Variants in COX7B2 observed in about 807,000 individuals in gnomAD.
COX7B2 encodes the protein cytochrome c oxidase subunit 7B2, mitochondrial.
For synonymous variants in COX7B2, 37 were observed against 32.1 expected (o/e 1.15, Z -0.51); for missense variants, 109 against 95.9 (o/e 1.14, Z -0.57).
intron 2 of COX7B2, among the ~76,000 whole-genome samples, chr4:46,793,283 T>C (rs1464978829): frequency 6.6e-6 from 1 of 151,848 alleles, no homozygotes; most frequent in Non-Finnish European, 1.5e-5. Flanking sequence ...CAGACTGGTA[T>C]CTTCCCGGCT....
At chr4:46,776,707 A>G (rs1717172892) in intron 2 of COX7B2, among the ~76,000 whole-genome samples, 1 of 152,136 alleles carries the variant, frequency 6.6e-6, no homozygotes, top group Non-Finnish European at 1.5e-5. Context: ...TTATTTCAGC[A>G]GCTACAGATG....
intron 2 of COX7B2, among the ~76,000 whole-genome samples, chr4:46,789,645 C>G (rs967050551): frequency 2.0e-5 from 3 of 152,016 alleles, no homozygotes; most frequent in African/African-American, 7.2e-5. Flanking sequence ...ACAAAAAAAG[C>G]GAATTGCCAT....
chr4:46,889,516 C>T (rs955641036), intron 1 of COX7B2, among the ~76,000 whole-genome samples: 6 of 152,202 alleles, frequency 3.9e-5, no homozygotes, highest in Non-Finnish European at 7.4e-5. Flanking sequence ...AATTGACAAA[C>T]GGGGAAGCAA....
intron 1 of COX7B2, among the ~76,000 whole-genome samples, chr4:46,847,899 A>C (rs1716399309): frequency 6.6e-6 from 1 of 152,026 alleles, no homozygotes; most frequent in African/African-American, 2.4e-5. Flanking sequence ...CTCCAGCCTC[A>C]AGGTCCTCTA....
intron 2 of COX7B2, among the ~76,000 whole-genome samples, chr4:46,821,964 T>G (rs1016940400): frequency 2.0e-5 from 3 of 152,128 alleles, no homozygotes; most frequent in African/African-American, 4.8e-5. Context: ...CAGGCTAGAG[T>G]GCAGTGGCGC....
At chr4:46,846,456 A>AT (rs1716283597) in intron 1 of COX7B2, among the ~76,000 whole-genome samples, 2 of 152,090 alleles carry the variant, frequency 1.3e-5, no homozygotes, top group Non-Finnish European at 2.9e-5. Flanking sequence ...AGATTGCAAC[A>AT]GCAAAAAGGT....
intron 1 of COX7B2, among the ~76,000 whole-genome samples, chr4:46,874,350 G>T (rs752918651): frequency 1.3e-5 from 2 of 152,158 alleles, no homozygotes; most frequent in Non-Finnish European, 2.9e-5. Flanking sequence ...GTTTTTAGTC[G>T]CAGTGAAGAT....
intron 2 of COX7B2, among the ~76,000 whole-genome samples, chr4:46,782,196 C>G (rs1022204979): frequency 6.6e-6 from 1 of 152,110 alleles, no homozygotes; most frequent in Non-Finnish European, 1.5e-5. Context: ...CACTCTGTGT[C>G]TAGGTCAGGG....
chr4:46,819,351 C>T (rs1474891819), intron 2 of COX7B2, among the ~76,000 whole-genome samples: 3 of 152,098 alleles, frequency 2.0e-5, no homozygotes, highest in African/African-American at 7.2e-5. Flanking sequence ...GGCAAACTAA[C>T]ATGCCACTCT....
rs1054831548 is a variant in COX7B2, at chr4:46,890,231, A to C, written c.-105+18929T>G. On this transcript the variant is annotated intron_variant, in intron 1 of 2. Transcript: ENST00000355591. ...TAGTACATGCTATGTTTGCATAATCACAAGGATTTGGCTTCCGTTCTAGTA... is the reference window on the plus strand; with the variant it reads ...TAGTACATGCTATGTTTGCATAATCCCAAGGATTTGGCTTCCGTTCTAGTA... Among the ~76,000 whole-genome samples, 10 of 152,202 alleles carry C rather than the reference A, an allele frequency of 6.6e-5. 1 individual carries two copies. The highest frequency in any genetic ancestry group is 5.9e-4 in the Admixed American group (9 of 15,278).
intron 1 of COX7B2, among the ~76,000 whole-genome samples, chr4:46,889,500 A>G (rs1029781438): frequency 2.6e-5 from 4 of 152,238 alleles, no homozygotes; most frequent in African/African-American, 9.6e-5. Flanking sequence ...TTGTCTAAGC[A>G]GAAATAATTG....
At chr4:46,768,060 C>T (rs1716651031) in intron 2 of COX7B2, among the ~76,000 whole-genome samples, 3 of 152,200 alleles carry the variant, frequency 2.0e-5, no homozygotes, top group Admixed American at 2.0e-4. Flanking sequence ...CCCCAAATGG[C>T]GTGTGCTACA....
chr4:46,906,454 C>G (rs1320579571), intron 1 of COX7B2, among the ~76,000 whole-genome samples: 1 of 152,088 alleles, frequency 6.6e-6, no homozygotes, highest in African/African-American at 2.4e-5. Context: ...TTCTTCTATC[C>G]TTCTATCTTT....
At chr4:46,854,215 G>A (rs1716870720) in intron 1 of COX7B2, among the ~76,000 whole-genome samples, 1 of 151,964 alleles carries the variant, frequency 6.6e-6, no homozygotes, top group African/African-American at 2.4e-5. Context: ...CTGGGTAACT[G>A]GCTAGCTAAT....
chr4:46,888,550 TC>T (rs770859409), intron 1 of COX7B2, among the ~76,000 whole-genome samples: 1 of 151,832 alleles, frequency 6.6e-6, no homozygotes, highest in Non-Finnish European at 1.5e-5. Context: ...TTCACGCCAT[TC>T]TCCTGCCTCA....
chr4:46,754,575 A>C lies in COX7B2; in HGVS notation c.-49-19334T>G, dbSNP rs1366727964. Among the ~76,000 whole-genome samples, 3 of 146,936 alleles carry C rather than the reference A, an allele frequency of 2.0e-5. No individual in the cohort carries two copies. In the East Asian group the frequency reaches 6.3e-4, roughly 31 times the overall value. The stretch of plus-strand genomic sequence containing the variant: ...GGGAGGGGGGAGGGATAGCATTAGG[A>C]GATATACCTAATGCAAATGACCAGT... On this transcript the variant is annotated intron_variant, in intron 2 of 2. Coordinates refer to ENST00000355591, the MANE Select transcript of COX7B2 (RefSeq NM_130902.3).
Position 46,909,227 on chromosome 4 carries a change from C to A in COX7B2, c.-172G>T, listed in dbSNP as rs1254536933. 6.6e-6 allele frequency: 1 copy of A among 152,124 alleles called. No individual in the cohort carries two copies. The highest frequency in any genetic ancestry group is 1.5e-5 in the Non-Finnish European group (1 of 68,042). The allele number at this position is 152,124 out of a possible 1,614,324, so 9.4% of individuals were successfully genotyped here. ...GCAAATTCCGAACCTTTCCGTTTTA[C>A]AGCCTGGAGGGGTCGGGTAAAACAG... On this transcript the variant is annotated 5_prime_UTR_variant, in exon 1 of 3. Coordinates refer to ENST00000355591, the MANE Select transcript of COX7B2 (RefSeq NM_130902.3).
At chr4:46,757,697 C>T (rs889102601) in intron 2 of COX7B2, among the ~76,000 whole-genome samples, 30 of 152,150 alleles carry the variant, frequency 2.0e-4, no homozygotes, top group Admixed American at 1.7e-3. Context: ...CCTATTCTTA[C>T]GGAGTTTATG....
At chr4:46,739,606 G>A (rs1249964332) in intron 2 of COX7B2, among the ~76,000 whole-genome samples, 1 of 152,036 alleles carries the variant, frequency 6.6e-6, no homozygotes, top group Non-Finnish European at 1.5e-5. Flanking sequence ...GTTTTATCCT[G>A]AGATCCTAGG....
Sources: gnomAD v4.1 joint callset for allele counts (sites outside exome capture counted in the v4.1 genomes callset) on GRCh38, gnomAD v4.1.1 for gene constraint, MANE v1.5 for transcripts, NCBI Gene and HGNC (gene_info 2026-07-23, HGNC 2026-07-21) for gene names.